ATP13A1: variants seen among roughly 807,000 people sequenced by gnomAD.
The protein encoded by ATP13A1 is endoplasmic reticulum transmembrane helix translocase.
In ATP13A1, 55 loss-of-function variants were observed where a neutral mutation model predicts 134.8. The observed-to-expected ratio is 0.41, with a 90% CI of 0.33 to 0.51. The LOEUF (loss-of-function observed/expected upper bound fraction) is 0.51, where lower values mean the gene tolerates loss of function less well. ATP13A1 is among the 20% of genes least tolerant of loss of function. ATP13A1 has a pLI of 0.29. For missense variants in ATP13A1, 1,389 were observed against 1,652.8 expected, an observed-to-expected ratio of 0.84 and a Z score of 2.77; for synonymous variants, 775 against 725.1, an observed-to-expected ratio of 1.07 and a Z score of -1.10.
chr19:19,662,493 G>C (rs1048977315), intron 1 of ATP13A1, among the ~76,000 whole-genome samples: 1 of 152,096 alleles, frequency 6.6e-6, no homozygotes, highest in African/African-American at 2.4e-5. Context: ...AAACCTGCTG[G>C]TGTCACCTGA....
chr19:19,654,063 C>A lies in ATP13A1; in HGVS notation c.1895G>T (p.Arg632Leu). 6.3e-7 allele frequency: 1 copy of A among 1,595,712 alleles called. No homozygotes were observed. The highest frequency in any genetic ancestry group is 1.8e-5 in the Admixed American group (1 of 56,870). ...QRFHFASALK[R>L]MSVLASYEKL... Reference sequence around the variant, plus strand: ...CTCATACGAGGCAAGCACGGACATTCGCTTCAGGGCACTGGCAAAATGAAA... The same window carrying A: ...CTCATACGAGGCAAGCACGGACATTAGCTTCAGGGCACTGGCAAAATGAAA... Residue 632 changes from arginine (R) to leucine (L), a missense_variant, in exon 14 of 26, where the codon CGA becomes CTA. This residue lies in a region of ATP13A1 where 747 missense variants were observed against 956.1 expected (regional missense o/e 0.78). Coordinates refer to ENST00000357324, the MANE Select transcript of ATP13A1 (RefSeq NM_020410.3).
rs879414527 is a variant in ATP13A1, at chr19:19,653,926, G to T, written c.1990-32C>A. 7.6e-6 allele frequency: 12 copies of T among 1,568,830 alleles called. No homozygotes were observed. Among genetic ancestry groups the T allele is most frequent in the Non-Finnish European group, 9.5e-6 (11 of 1,157,678 alleles). On this transcript the variant is annotated intron_variant, in intron 14 of 25. Transcript: ENST00000357324. This position sits in a 1 kb window ranked among gnomAD's most constrained non-coding sequence, Gnocchi z 4.2. The stretch of plus-strand genomic sequence containing the variant: ...GGAATGCAGGGGGATGTCACGGGCT[G>T]CCCCGCGCCCCCACCCCTTGCCCCA...
rs2145011881 is a variant in ATP13A1 at position 19,656,607 on chromosome 19, C to A, written c.1083+53G>T. 6.4e-7 allele frequency: 1 copy of A among 1,570,182 alleles called. No individual in the cohort carries two copies. The highest frequency in any genetic ancestry group is 8.7e-7 in the Non-Finnish European group (1 of 1,153,518). ...CCCGCCACCCCCTGGGCCTCCACCT[C>A]CTGGCCTGTTTCCTCCTGAACAGCT... On this transcript the variant is annotated intron_variant, in intron 7 of 25. Transcript: ENST00000357324. This position sits in a 1 kb window ranked among gnomAD's most constrained non-coding sequence, Gnocchi z 4.6.
At chr19:19,661,340 C>A (rs1192154357) in intron 1 of ATP13A1, among the ~76,000 whole-genome samples, 2 of 152,190 alleles carry the variant, frequency 1.3e-5, no homozygotes, top group Non-Finnish European at 2.9e-5. Context: ...CAACCCTGCT[C>A]ACTACACTCC....
In ATP13A1 at chr19:19,652,577, C is replaced by A. The variant is rs978360323; in HGVS notation, c.2226+18G>T. 3 of 1,603,582 alleles carry A rather than the reference C, an allele frequency of 1.9e-6. No homozygotes were observed. The highest frequency in any genetic ancestry group is 2.6e-6 in the Non-Finnish European group (3 of 1,175,560). ...TCTATTTCCCATGCAGAGGGTGGAG[C>A]CGAGCACCGTCCCATACCCGGTGGG... On this transcript the variant is annotated intron_variant, in intron 16 of 25. Transcript: ENST00000357324.
rs1204387054 is a variant in ATP13A1 at position 19,661,530 on chromosome 19, C to T, written c.397-1543G>A. Among the ~76,000 whole-genome samples, 3 of 152,208 alleles carry T rather than the reference C, an allele frequency of 2.0e-5. No homozygotes were observed. In the East Asian group the frequency reaches 5.8e-4, roughly 29 times the overall value. ...CCATCTAAAGTTCCCGGCAATGTCC[C>T]ATCCTGTCCTGATGTTAGATGTCAT... On this transcript the variant is annotated intron_variant, in intron 1 of 25. Coordinates refer to ENST00000357324, the MANE Select transcript of ATP13A1 (RefSeq NM_020410.3).
chr19:19,663,584 G>A lies in ATP13A1; in HGVS notation c.83C>T (p.Pro28Leu). 1 of 1,468,862 alleles carries A rather than the reference G, an allele frequency of 6.8e-7. No homozygotes were observed. The highest frequency in any genetic ancestry group is 8.9e-7 in the Non-Finnish European group (1 of 1,120,322). The allele number at this position is 1,468,862 out of a possible 1,614,324, so 91.0% of individuals were successfully genotyped here. A position where few individuals can be genotyped will look rare whatever the true frequency, so the allele number is the denominator to read the frequency against. The change falls in exon 1 of 26, where the codon CCC (proline) becomes CTC (leucine). Residue 28 changes from proline to leucine, a missense_variant. Coordinates refer to ENST00000357324, the MANE Select transcript of ATP13A1 (RefSeq NM_020410.3). ...CGVRPDGQPK[P>L]GPQPRALLAA... is the part of the protein sequence containing the mutation. ...AAGGAGCGCGCGCGGCTGCGGCCCG[G>A]GCTTGGGCTGCCCGTCAGGCCGGAC...
In ATP13A1 at chr19:19,658,169, A is replaced by AAAAG. The variant is rs1382615110; in HGVS notation, c.678-762_678-761insCTTT. On this transcript the variant is annotated intron_variant, in intron 3 of 25. Coordinates refer to ENST00000357324, the MANE Select transcript of ATP13A1 (RefSeq NM_020410.3). ...GTCTCCAAAAAAAAAAAAAAAAAAA[A>AAAAG]AAAAGGCTCGAGAATGCAAGGACTT... Among the ~76,000 whole-genome samples, 952 of 150,292 alleles carry AAAAG rather than the reference A, an allele frequency of 6.3e-3. 4 individuals are homozygous for AAAAG. Among genetic ancestry groups the AAAAG allele is most frequent in the African/African-American group, 0.022 (896 of 40,370 alleles).
intron 22 of ATP13A1, chr19:19,646,670 C>G (rs540025453): frequency 4.6e-5 from 20 of 430,390 alleles, no homozygotes; most frequent in South Asian, 1.2e-4. Context: ...CTCCCACCCC[C>G]TCCAGCCACC....
In ATP13A1 at chr19:19,659,721, T is replaced by C; in HGVS notation, c.557A>G (p.Lys186Arg). ...AAAGGCCACGGGGAGAAACTGCTTC[T>C]TCTCCAGGGCATCGTAGGAATACTT... The part of the protein sequence containing the change: ...KIKYSYDALE[K>R]KQFLPVAFPV... The change falls in exon 3 of 26, where the codon AAG becomes AGG. Residue 186 changes from lysine to arginine, a missense_variant. This residue lies in a region of ATP13A1 where 293 missense variants were observed against 270.8 expected (regional missense o/e 1.08). Transcript: ENST00000357324. The C allele has an allele frequency of 1.2e-6, 2 of 1,614,004 alleles. No homozygotes were observed. The highest frequency in any genetic ancestry group is 1.6e-4 in the Middle Eastern group (1 of 6,062).
intron 15 of ATP13A1, 126 bp from the exon 16 acceptor site, chr19:19,652,846 C>T (rs1478452549): frequency 2.3e-6 from 3 of 1,328,262 alleles, no homozygotes; most frequent in African/African-American, 2.9e-5. Flanking sequence ...GTAGTGGGCA[C>T]ATGCGAGGGT....
At chr19:19,663,047 A>G in intron 1 of ATP13A1, 1 of 736,104 alleles carries the variant, frequency 1.4e-6, no homozygotes, top group Admixed American at 2.0e-5. Context: ...TGACCATAAC[A>G]GGGAGGACTT....
chr19:19,662,510 C>T (rs1371636152), intron 1 of ATP13A1, among the ~76,000 whole-genome samples: 2 of 152,112 alleles, frequency 1.3e-5, no homozygotes, highest in South Asian at 2.1e-4. Flanking sequence ...CTGAGGCAGG[C>T]CCAGAGAGAG....
Position 19,661,465 on chromosome 19 carries a change from G to A in ATP13A1, c.397-1478C>T, listed in dbSNP as rs528236775. Among the ~76,000 whole-genome samples the A allele has an allele frequency of 6.6e-5, 10 of 152,272 alleles. No individual in the cohort carries two copies. The South Asian group carries it at 2.1e-3, about 32-fold the overall frequency. Reference sequence around the variant, plus strand: ...AGCTCCCTTGCTGCCTCAGGCTTTTGCTGAAACATCACCTTCTCAGGAGCC... The same window carrying A: ...AGCTCCCTTGCTGCCTCAGGCTTTTACTGAAACATCACCTTCTCAGGAGCC... On this transcript the variant is annotated intron_variant, in intron 1 of 25. Coordinates refer to ENST00000357324, the MANE Select transcript of ATP13A1 (RefSeq NM_020410.3).
chr19:19,656,594 T>A lies in ATP13A1; in HGVS notation c.1083+66A>T. 1 of 1,510,438 alleles carries A rather than the reference T, an allele frequency of 6.6e-7. No homozygotes were observed. Among genetic ancestry groups the A allele is most frequent in the Non-Finnish European group, 9.0e-7 (1 of 1,112,342 alleles). 93.6% of individuals were successfully genotyped at this position (1,510,438 alleles called of 1,614,324 possible). A position where few individuals can be genotyped will look rare whatever the true frequency, so the allele number is the denominator to read the frequency against. On this transcript the variant is annotated intron_variant, in intron 7 of 25. Transcript: ENST00000357324. The surrounding 1 kb of genome is among the most constrained non-coding windows in gnomAD (Gnocchi z 4.6). ...CCTGAGGGGGATCCCCGCCACCCCCTGGGCCTCCACCTCCTGGCCTGTTTC... is the reference window on the plus strand; with the variant it reads ...CCTGAGGGGGATCCCCGCCACCCCCAGGGCCTCCACCTCCTGGCCTGTTTC...
chr19:19,653,528 G>C lies in ATP13A1; in HGVS notation c.2100+256C>G, dbSNP rs75887141. The C allele has an allele frequency of 4.0e-3, 2,152 of 540,458 alleles. 44 individuals are homozygous for C. The highest frequency in any genetic ancestry group is 0.039 in the African/African-American group (2,020 of 52,390). The allele number at this position is 540,458 out of a possible 1,614,324, so 33.5% of individuals were successfully genotyped here. On this transcript the variant is annotated intron_variant, in intron 15 of 25. Coordinates refer to ENST00000357324, the MANE Select transcript of ATP13A1 (RefSeq NM_020410.3). The surrounding 1 kb of genome is among the most constrained non-coding windows in gnomAD (Gnocchi z 4.2). ...AGCCCTGCCCAAGACCAGGGCAAAA[G>C]AGTAGAGCTAGGGACACACCAGGAC...
chr19:19,654,678 CT>C lies in ATP13A1; in HGVS notation c.1677del (p.Val560CysfsTer6). Reference protein sequence around the residue: ...AGLRDGKEVTPVSSIPVETHR... With the variant: ...AGLRDGKEVTXVSSIPVETHR... ...TGTGTTTCTACAGGGATGCTGGACA[CT>C]GGGGTCACCTCCTTCCCGTCTCTGC... On this transcript the variant is annotated frameshift_variant, in exon 13 of 26. Transcript: ENST00000357324. LOFTEE classifies it high-confidence loss of function. 6.2e-7 allele frequency: 1 copy of C among 1,612,910 alleles called. No individual in the cohort carries two copies. The highest frequency in any genetic ancestry group is 1.7e-4 in the Middle Eastern group (1 of 6,060).
In ATP13A1 at chr19:19,652,950, A is replaced by G. The variant is rs999858895; in HGVS notation, c.2101-230T>C. 1.8e-5 allele frequency: 10 copies of G among 563,642 alleles called. No homozygotes were observed. The East Asian group carries it at 2.2e-4, about 12-fold the overall frequency. 34.9% of individuals were successfully genotyped at this position (563,642 alleles called of 1,614,324 possible). On this transcript the variant is annotated intron_variant, in intron 15 of 25. Transcript: ENST00000357324. ...GTCTGGGTCCCCCGAATGTGGCTCT[A>G]TGTCCTGCTTGCGGACATGGGCACA...
intron 3 of ATP13A1, 128 bp downstream of exon 3, chr19:19,659,462 AAAAAATAAAAT>A (rs1599437860): frequency 1.4e-5 from 6 of 441,612 alleles, no homozygotes; most frequent in African/African-American, 4.1e-5. Flanking sequence ...TCTCAAAAAT[AAAAAATAAAAT>A]AAAAATAAAA....
Sources: allele counts gnomAD v4.1 joint callset (sites outside exome capture counted in the v4.1 genomes callset), GRCh38; gene constraint gnomAD v4.1.1; regional missense constraint gnomAD v4.1.1; non-coding constraint Gnocchi (gnomAD v3.1); transcripts MANE v1.5; gene names NCBI Gene and HGNC (gene_info 2026-07-23, HGNC 2026-07-21).